The following USH2A variants were observed in gnomAD, a reference collection of about 807,000 sequenced individuals.
USH2A encodes usherin.
A neutral mutation model predicts 538.9 loss-of-function variants in USH2A; 443 were observed. The observed-to-expected ratio is 0.82, with a 90% CI of 0.76 to 0.89. The LOEUF (loss-of-function observed/expected upper bound fraction) is 0.89. Among genes scored for constraint, USH2A ranks in the 40% least tolerant of loss-of-function variants. USH2A has a pLI of 0.00. For synonymous variants in USH2A, 2,413 were observed against 2,273.5 expected, an observed-to-expected ratio of 1.06 and a Z score of -1.75; for missense variants, 6,633 against 6,324.8, an observed-to-expected ratio of 1.05 and a Z score of -1.65.
chr1:216,090,985 T>G (rs2032287602), intron 22 of USH2A, among the ~76,000 whole-genome samples: 1 of 152,206 alleles, frequency 6.6e-6, no homozygotes, highest in African/African-American at 2.4e-5. Flanking sequence ...TTGGCAACAA[T>G]CTGAAGCATT....
intron 32 of USH2A, among the ~76,000 whole-genome samples, chr1:216,010,280 C>A (rs10864220): frequency 0.47 from 70,879 of 152,036 alleles, 17,066 homozygotes; most frequent in East Asian, 0.7. Flanking sequence ...GAGCTTGCTA[C>A]AAGTGCCAGA....
intron 3 of USH2A, among the ~76,000 whole-genome samples, chr1:216,394,914 T>G (rs886977166): frequency 1.3e-5 from 2 of 151,876 alleles, no homozygotes; most frequent in South Asian, 4.2e-4. Context: ...GAGACGGGTT[T>G]TCACCGTGTT....
intron 31 of USH2A, 83 bp downstream of exon 31, chr1:216,048,451 A>G (rs1342723278): frequency 7.2e-7 from 1 of 1,389,740 alleles, no homozygotes; most frequent in African/African-American, 1.4e-5. Flanking sequence ...TTGCCAGCAA[A>G]TGGCCTTGTA....
intron 13 of USH2A, among the ~76,000 whole-genome samples, chr1:216,236,580 T>C (rs951826910): frequency 6.6e-6 from 1 of 152,158 alleles, no homozygotes; most frequent in African/African-American, 2.4e-5. Flanking sequence ...ATAAATATCT[T>C]CTATCCTCTA....
intron 32 of USH2A, among the ~76,000 whole-genome samples, chr1:216,029,383 G>T (rs1031130045): frequency 2.6e-5 from 4 of 151,966 alleles, no homozygotes; most frequent in Non-Finnish European, 5.9e-5. Context: ...TTGTTCTATT[G>T]TGTCCACATA....
At chr1:216,244,709 T>C (rs1329351506) in intron 13 of USH2A, among the ~76,000 whole-genome samples, 1 of 152,178 alleles carries the variant, frequency 6.6e-6, no homozygotes, top group African/African-American at 2.4e-5. Context: ...TCTAACAATT[T>C]TAGTTCATCA....
rs1657928086 is a variant in USH2A, at chr1:215,674,414, G to A, written c.13497C>T (p.Leu4499=). ...TGTAGCTATACTCCACACCTGGGGT[G>A]AGAGTAAAATCACGATAGCGTGTTT... The part of the protein sequence containing the change: ...GLETRYRDFT[L]TPGVEYSYTV... Residue 4499 remains leucine (L), a synonymous_variant, in exon 63 of 72, where the codon CTC becomes CTT. Transcript: ENST00000307340. The A allele has an allele frequency of 1.2e-6, 2 of 1,614,126 alleles. No individual in the cohort carries two copies. The highest frequency in any genetic ancestry group is 1.7e-6 in the Non-Finnish European group (2 of 1,180,026).
Position 215,816,980 on chromosome 1 carries a change from A to G in USH2A, c.9570+17T>C, listed in dbSNP as rs768578113. On this transcript the variant is annotated intron_variant, in intron 48 of 71. Transcript: ENST00000307340. ...GTGAGAAAAACATGGTTCACTGATT[A>G]GTTAGAAAAGACTTACCTTAGCTTC... 2 of 1,611,344 alleles carry G rather than the reference A, an allele frequency of 1.2e-6. No homozygotes were observed. Among genetic ancestry groups the G allele is most frequent in the South Asian group, 1.1e-5 (1 of 91,032 alleles).
intron 41 of USH2A, 112 bp downstream of exon 41, chr1:215,888,314 G>A (rs1454866948): frequency 1.3e-6 from 2 of 1,526,660 alleles, no homozygotes; most frequent in Middle Eastern, 2.3e-4. Context: ...TCCAGTGAAT[G>A]CCTAAAACAA....
intron 21 of USH2A, among the ~76,000 whole-genome samples, chr1:216,102,754 C>G (rs1037612563): frequency 6.6e-6 from 1 of 152,126 alleles, no homozygotes; most frequent in Non-Finnish European, 1.5e-5. Context: ...GAGTGGAGAT[C>G]GCGCCACTGC....
intron 60 of USH2A, among the ~76,000 whole-genome samples, chr1:215,732,773 C>A (rs566234764): frequency 1.8e-4 from 27 of 151,894 alleles, no homozygotes; most frequent in Admixed American, 1.7e-3. Flanking sequence ...GATCTCCTGA[C>A]CTTGTGATCT....
intron 67 of USH2A, among the ~76,000 whole-genome samples, chr1:215,641,485 T>C (rs953340050): frequency 1.3e-5 from 2 of 152,206 alleles, no homozygotes; most frequent in African/African-American, 4.8e-5. Context: ...TTCAGTTCCT[T>C]ACTAAAACAA....
intron 40 of USH2A, among the ~76,000 whole-genome samples, chr1:215,894,677 G>C (rs1009659202): frequency 2.6e-5 from 4 of 152,030 alleles, no homozygotes; most frequent in African/African-American, 9.7e-5. Context: ...TGAATCAGAG[G>C]GACAGCCAGA....
At chr1:216,347,672 T>C (rs1054098755) in intron 4 of USH2A, among the ~76,000 whole-genome samples, 3 of 152,174 alleles carry the variant, frequency 2.0e-5, no homozygotes, top group African/African-American at 7.2e-5. Flanking sequence ...TCAGTAATAG[T>C]TATAATTGTC....
At chr1:216,052,262 A>G (rs1324340291) in intron 30 of USH2A, among the ~76,000 whole-genome samples, 2 of 152,068 alleles carry the variant, frequency 1.3e-5, no homozygotes, top group Non-Finnish European at 2.9e-5. Context: ...AAACTAGATC[A>G]TCTTTCAAGC....
At chr1:216,251,689 C>T (rs540908609) in intron 11 of USH2A, among the ~76,000 whole-genome samples, 4 of 152,178 alleles carry the variant, frequency 2.6e-5, no homozygotes, top group South Asian at 4.1e-4. Context: ...ATCCGCCCGC[C>T]TCGGCCTCCC....
intron 15 of USH2A, among the ~76,000 whole-genome samples, chr1:216,210,057 C>G (rs550750557): frequency 6.6e-6 from 1 of 152,182 alleles, no homozygotes; most frequent in South Asian, 2.1e-4. Flanking sequence ...GGAGTCCTGC[C>G]CCATGCCCTG....
At chr1:216,128,676 C>T (rs1057207379) in intron 21 of USH2A, among the ~76,000 whole-genome samples, 41 of 151,996 alleles carry the variant, frequency 2.7e-4, no homozygotes, top group African/African-American at 9.7e-4. Context: ...CAAATGCATA[C>T]AATGTATAAT....
chr1:215,844,425 G>A lies in USH2A; in HGVS notation c.9127C>T (p.Pro3043Ser), dbSNP rs1663782135. ...STAVRVIWTS[P>S]SNPNGVVTEY... is the part of the protein sequence containing the mutation. Reference sequence around the variant, plus strand: ...GTGACAACACCATTTGGGTTTGAAGGAGATGTCCAGATGACACGTACAGCT... The same window carrying A: ...GTGACAACACCATTTGGGTTTGAAGAAGATGTCCAGATGACACGTACAGCT... Residue 3043 changes from proline to serine, a missense_variant, in exon 46 of 72, where the codon CCT (proline) becomes TCT (serine). Physicochemically the swap from Pro to Ser is moderately conservative, Grantham distance 74 (BLOSUM62 -1). Coordinates refer to ENST00000307340, the MANE Select transcript of USH2A (RefSeq NM_206933.4). 1.9e-6 allele frequency: 3 copies of A among 1,613,298 alleles called. No individual in the cohort carries two copies. Among genetic ancestry groups the A allele is most frequent in the Admixed American group, 1.7e-5 (1 of 59,900 alleles).
Sources: allele counts gnomAD v4.1 joint callset (sites outside exome capture counted in the v4.1 genomes callset), GRCh38; gene constraint gnomAD v4.1.1; transcripts MANE v1.5; gene names NCBI Gene and HGNC (gene_info 2026-07-23, HGNC 2026-07-21).